Variants in ANAPC1 observed in about 807,000 individuals in gnomAD.
The protein encoded by ANAPC1 is anaphase promoting complex subunit 1.
A neutral mutation model predicts 208.0 loss-of-function variants in ANAPC1; 36 were observed. The observed-to-expected ratio is 0.17, with a 90% CI of 0.13 to 0.23. ANAPC1 has a LOEUF of 0.23. Ranked by LOEUF, ANAPC1 falls within the 10% of genes least tolerant of loss-of-function variation. ANAPC1 has a pLI of 1.00. For synonymous variants in ANAPC1, 378 were observed against 695.2 expected (o/e 0.54, Z 7.18); for missense variants, 942 against 2,011.6 (o/e 0.47, Z 10.17).
chr2:111,864,329 A>AGAT (rs200879980), intron 8 of ANAPC1, among the ~76,000 whole-genome samples: 9,664 of 110,632 alleles, frequency 0.087, 685 homozygotes, highest in African/African-American at 0.18. Context: ...CTGTCTCTAG[A>AGAT]GATGATGATG....
At chr2:111,830,770 G>T (rs1006398934) in intron 21 of ANAPC1, among the ~76,000 whole-genome samples, 2 of 152,144 alleles carry the variant, frequency 1.3e-5, no homozygotes, top group African/African-American at 4.8e-5. Flanking sequence ...GCAGGTAAAT[G>T]ATCTCTTAAA....
chr2:111,851,021 T>G, intron 13 of ANAPC1, 111 bp from the exon 14 acceptor site: 2 of 1,285,402 alleles, frequency 1.6e-6, no homozygotes, highest in Admixed American at 5.9e-5. Context: ...TTTCTAAGTT[T>G]ATACTCACCA....
intron 16 of ANAPC1, among the ~76,000 whole-genome samples, chr2:111,845,378 A>G (rs532124313): frequency 1.3e-5 from 2 of 152,264 alleles, no homozygotes; most frequent in South Asian, 4.1e-4. Flanking sequence ...CCTCTATCCC[A>G]TCAGTTTGCA....
chr2:111,870,705 G>C (rs1020518894), intron 6 of ANAPC1, among the ~76,000 whole-genome samples: 1 of 151,950 alleles, frequency 6.6e-6, no homozygotes, highest in Non-Finnish European at 1.5e-5. Context: ...TTTTAATTAG[G>C]TCCCATTTAT....
In ANAPC1 at chr2:111,804,367, G is replaced by A. The variant is rs1170291253; in HGVS notation, c.3925-528C>T. 4.5e-5 allele frequency among the ~76,000 whole-genome samples: 4 copies of A among 89,406 alleles called. 1 individual carries two copies. The highest frequency in any genetic ancestry group is 3.1e-4 in the East Asian group (1 of 3,266). The allele number at this position is 89,406 out of a possible 152,430, so 58.7% of individuals were successfully genotyped here. On this transcript the variant is annotated intron_variant, in intron 30 of 47. Coordinates refer to ENST00000341068, the MANE Select transcript of ANAPC1 (RefSeq NM_022662.4). ...GTTATACAGCTATTATAGTTAAGTCGCAGGGCTATATATAAAACACGGCCA... is the reference window on the plus strand; with the variant it reads ...GTTATACAGCTATTATAGTTAAGTCACAGGGCTATATATAAAACACGGCCA...
chr2:111,786,029 G>C (rs1478733039), intron 39 of ANAPC1, among the ~76,000 whole-genome samples: 1 of 151,760 alleles, frequency 6.6e-6, no homozygotes, highest in African/African-American at 2.4e-5. Flanking sequence ...TTCTCAAACA[G>C]TTTTTTAAAC....
At chr2:111,838,725 T>G (rs1680607193) in intron 17 of ANAPC1, among the ~76,000 whole-genome samples, 1 of 152,218 alleles carries the variant, frequency 6.6e-6, no homozygotes, top group Non-Finnish European at 1.5e-5. Flanking sequence ...TGCAAACATC[T>G]AGAACAGTGC....
In ANAPC1 at chr2:111,788,126, C is replaced by T. The variant is rs919648023; in HGVS notation, c.4799+108G>A. On this transcript the variant is annotated intron_variant, in intron 39 of 47. Coordinates refer to ENST00000341068, the MANE Select transcript of ANAPC1 (RefSeq NM_022662.4). ...CCAGGAATATAACTAAGTTGGAGAA[C>T]AAAACAATGCTAATTTGGAAATAAT... 8.7e-6 allele frequency: 13 copies of T among 1,496,008 alleles called. No homozygotes were observed. The African/African-American group carries it at 1.7e-4, about 19-fold the overall frequency. The allele number at this position is 1,496,008 out of a possible 1,614,324, so 92.7% of individuals were successfully genotyped here. A position where few individuals can be genotyped will look rare whatever the true frequency, so the allele number is the denominator to read the frequency against.
rs902233201 is a variant in ANAPC1 at position 111,879,107 on chromosome 2, C to T, written c.214-136G>A. 5 of 844,126 alleles carry T rather than the reference C, an allele frequency of 5.9e-6. No individual in the cohort carries two copies. In the African/African-American group the frequency reaches 6.5e-5, roughly 11 times the overall value. 52.3% of individuals were successfully genotyped at this position (844,126 alleles called of 1,614,324 possible). A position where few individuals can be genotyped will look rare whatever the true frequency, so the allele number is the denominator to read the frequency against. On this transcript the variant is annotated intron_variant, in intron 2 of 47. Transcript: ENST00000341068. ...CTACAAAGTTTGGTACACTGATTAA[C>T]GGAGGATGTGGATATATGCATTACA...
chr2:111,773,061 G>T (rs71267709), intron 46 of ANAPC1, among the ~76,000 whole-genome samples: 8,068 of 128,996 alleles, frequency 0.063, no homozygotes, highest in African/African-American at 0.11. Context: ...GATCTTGGGT[G>T]ATCAAGGCAA....
chr2:111,868,594 C>G (rs1682562734), intron 6 of ANAPC1, among the ~76,000 whole-genome samples: 2 of 152,136 alleles, frequency 1.3e-5, no homozygotes, highest in Non-Finnish European at 2.9e-5. Flanking sequence ...GCAGGGGCAT[C>G]ATCTCGGCTC....
chr2:111,857,784 T>C (rs1033852796), intron 11 of ANAPC1, among the ~76,000 whole-genome samples: 8 of 152,050 alleles, frequency 5.3e-5, no homozygotes, highest in African/African-American at 1.9e-4. Flanking sequence ...AGTCAAGAGG[T>C]GGAAATAAAC....
chr2:111,834,461 G>A, intron 19 of ANAPC1, 143 bp downstream of exon 19: 3 of 1,140,890 alleles, frequency 2.6e-6, no homozygotes, highest in Non-Finnish European at 3.5e-6. Flanking sequence ...ACAACTCTGT[G>A]GTTTACAGAG....
chr2:111,860,822 T>A (rs1029375021), intron 10 of ANAPC1, among the ~76,000 whole-genome samples: 1 of 151,772 alleles, frequency 6.6e-6, no homozygotes. Flanking sequence ...AGGCCACAAA[T>A]CCCTTTGAGA....
chr2:111,831,162 T>C (rs1182428084), intron 21 of ANAPC1, 124 bp downstream of exon 21: 5 of 779,410 alleles, frequency 6.4e-6, no homozygotes, highest in Non-Finnish European at 9.6e-6. Flanking sequence ...AGTAATTACA[T>C]GAATCTATAC....
intron 16 of ANAPC1, among the ~76,000 whole-genome samples, chr2:111,845,367 T>C (rs1348396706): frequency 1.3e-5 from 2 of 152,152 alleles, no homozygotes; most frequent in Admixed American, 6.5e-5. Flanking sequence ...CATCAACATA[T>C]CCTCTATCCC....
At chr2:111,812,806 G>A (rs1417275306) in intron 28 of ANAPC1, among the ~76,000 whole-genome samples, 6 of 97,224 alleles carry the variant, frequency 6.2e-5, no homozygotes, top group East Asian at 2.9e-4. Context: ...GAAAAGGAAC[G>A]AGAAAAAGGC....
intron 47 of ANAPC1, among the ~76,000 whole-genome samples, chr2:111,771,761 A>C (rs1676750221): frequency 6.6e-6 from 1 of 151,626 alleles, no homozygotes; most frequent in Non-Finnish European, 1.5e-5. Flanking sequence ...AAATGGAACA[A>C]TCTTTGCCCT....
At chr2:111,842,907 C>T (rs1051244898) in intron 17 of ANAPC1, among the ~76,000 whole-genome samples, 1 of 152,102 alleles carries the variant, frequency 6.6e-6, no homozygotes, top group Non-Finnish European at 1.5e-5. Context: ...GGCTTTATAC[C>T]ATTAACAGAG....
Sources: gnomAD v4.1 joint callset for allele counts (sites outside exome capture counted in the v4.1 genomes callset) on GRCh38, gnomAD v4.1.1 for gene constraint, MANE v1.5 for transcripts, NCBI Gene and HGNC (gene_info 2026-07-23, HGNC 2026-07-21) for gene names.